ZDHHC14: variants seen among roughly 807,000 people sequenced by gnomAD.
ZDHHC14 encodes the protein zDHHC palmitoyltransferase 14.
A neutral mutation model predicts 47.7 loss-of-function variants in ZDHHC14; 16 were observed. The observed-to-expected ratio is 0.34, with a 90% CI of 0.23 to 0.51. ZDHHC14 has a LOEUF of 0.51. Ranked by LOEUF, ZDHHC14 falls within the 20% of genes least tolerant of loss-of-function variation. The pLI is 0.97. For synonymous variants in ZDHHC14, 293 were observed against 278.9 expected (o/e 1.05, Z -0.50); for missense variants, 515 against 662.5 (o/e 0.78, Z 2.44).
chr6:157,584,893 A>G (rs927703142), intron 2 of ZDHHC14, among the ~76,000 whole-genome samples: 11 of 152,214 alleles, frequency 7.2e-5, no homozygotes, highest in Admixed American at 1.3e-4. Context: ...ATGCTTGTGT[A>G]TAAAAATCTC....
intron 1 of ZDHHC14, among the ~76,000 whole-genome samples, chr6:157,468,810 T>C (rs1436454480): frequency 6.6e-6 from 1 of 152,210 alleles, no homozygotes; most frequent in Admixed American, 6.5e-5. Context: ...TGTTAATTAG[T>C]CCAGCATCCT....
intron 1 of ZDHHC14, among the ~76,000 whole-genome samples, chr6:157,517,991 G>A (rs1780761578): frequency 6.6e-6 from 1 of 152,274 alleles, no homozygotes. Context: ...TAGGATGCAC[G>A]TCCCCAGCCC....
chr6:157,614,176 G>A (rs996616838), intron 3 of ZDHHC14, among the ~76,000 whole-genome samples: 7 of 152,294 alleles, frequency 4.6e-5, no homozygotes, highest in African/African-American at 1.4e-4. Context: ...CAGGACCCAA[G>A]TTCAAGTCCT....
At chr6:157,669,350 G>A (rs1165621843) in intron 8 of ZDHHC14, among the ~76,000 whole-genome samples, 2 of 152,100 alleles carry the variant, frequency 1.3e-5, no homozygotes, top group African/African-American at 2.4e-5. Flanking sequence ...GGAAGACAGA[G>A]AGTGGAGGAG....
chr6:157,475,998 A>G (rs1779472944), intron 1 of ZDHHC14, among the ~76,000 whole-genome samples: 1 of 152,204 alleles, frequency 6.6e-6, no homozygotes, highest in Non-Finnish European at 1.5e-5. Context: ...TTGCATCAAA[A>G]AAGAGGAAAG....
chr6:157,660,347 C>T (rs188377971), intron 8 of ZDHHC14, among the ~76,000 whole-genome samples: 2 of 152,208 alleles, frequency 1.3e-5, no homozygotes, highest in Non-Finnish European at 1.5e-5. Context: ...TGTGCACCAC[C>T]ACGTCAGGCT....
At chr6:157,439,175 T>G (rs764417507) in intron 1 of ZDHHC14, among the ~76,000 whole-genome samples, 1 of 152,246 alleles carries the variant, frequency 6.6e-6, no homozygotes, top group Non-Finnish European at 1.5e-5. Context: ...TTTCCGTTCT[T>G]CATTTTCAAA....
chr6:157,471,396 C>T (rs1164789395), intron 1 of ZDHHC14, among the ~76,000 whole-genome samples: 1 of 152,178 alleles, frequency 6.6e-6, no homozygotes, highest in Admixed American at 6.5e-5. Context: ...GGCTGGACTC[C>T]CCCGCCCGCC....
chr6:157,422,975 G>A (rs1381543307), intron 1 of ZDHHC14, among the ~76,000 whole-genome samples: 2 of 152,178 alleles, frequency 1.3e-5, no homozygotes, highest in Admixed American at 1.3e-4. Flanking sequence ...TTAAAAAGCA[G>A]TTCATTTACT....
At chr6:157,444,108 CA>C (rs1334278337) in intron 1 of ZDHHC14, among the ~76,000 whole-genome samples, 4 of 152,136 alleles carry the variant, frequency 2.6e-5, no homozygotes, top group African/African-American at 9.7e-5. Context: ...TGCCCAAAGT[CA>C]AACAGTAATC....
chr6:157,453,785 GTT>G (rs1554258659), intron 1 of ZDHHC14, among the ~76,000 whole-genome samples: 4 of 83,022 alleles, frequency 4.8e-5, no homozygotes, highest in Admixed American at 2.4e-4. Flanking sequence ...TGTTTTTTGT[GTT>G]TTGTGTGTGT....
chr6:157,470,660 T>C (rs777471368), intron 1 of ZDHHC14, among the ~76,000 whole-genome samples: 1 of 152,234 alleles, frequency 6.6e-6, no homozygotes, highest in Non-Finnish European at 1.5e-5. Flanking sequence ...ACTGTTATTT[T>C]ACAGATAGAA....
At chr6:157,515,477 T>C (rs950907104) in intron 1 of ZDHHC14, among the ~76,000 whole-genome samples, 10 of 149,190 alleles carry the variant, frequency 6.7e-5, no homozygotes, top group Non-Finnish European at 1.2e-4. Flanking sequence ...TTTTTTTTTT[T>C]TGGAGACGGA....
chr6:157,462,123 T>C (rs1383168813), intron 1 of ZDHHC14, among the ~76,000 whole-genome samples: 2 of 152,242 alleles, frequency 1.3e-5, no homozygotes, highest in Admixed American at 6.5e-5. Flanking sequence ...AGCTTATTTA[T>C]AGTTTCAGCC....
At chr6:157,554,763 G>A (rs762215008) in intron 2 of ZDHHC14, among the ~76,000 whole-genome samples, 2 of 152,252 alleles carry the variant, frequency 1.3e-5, no homozygotes, top group East Asian at 1.9e-4. Flanking sequence ...GGATGTGGCT[G>A]TTCCTCTGTG....
At chr6:157,530,621 C>T (rs930649926) in intron 1 of ZDHHC14, among the ~76,000 whole-genome samples, 5 of 152,168 alleles carry the variant, frequency 3.3e-5, no homozygotes, top group African/African-American at 9.7e-5. Context: ...TATTTCTCCC[C>T]TTTTTGGAAA....
intron 1 of ZDHHC14, among the ~76,000 whole-genome samples, chr6:157,465,604 A>T (rs541676642): frequency 7.5e-5 from 10 of 132,490 alleles, no homozygotes; most frequent in Non-Finnish European, 1.6e-4. Context: ...AAGAGATGCT[A>T]AAAAAAAAAA....
At chr6:157,640,120 C>T (rs1056131964) in intron 5 of ZDHHC14, among the ~76,000 whole-genome samples, 7 of 152,226 alleles carry the variant, frequency 4.6e-5, no homozygotes, top group Non-Finnish European at 1.0e-4. Flanking sequence ...CACAGGGGCC[C>T]TGGGCCTCCC....
At chr6:157,539,785 G>T (rs138322700) in intron 1 of ZDHHC14, among the ~76,000 whole-genome samples, 63 of 152,194 alleles carry the variant, frequency 4.1e-4, no homozygotes, top group African/African-American at 1.4e-3. Context: ...AGAAACTGCA[G>T]CTGGCGAGCT....
Sources: gnomAD v4.1 joint callset for allele counts (sites outside exome capture counted in the v4.1 genomes callset) on GRCh38, gnomAD v4.1.1 for gene constraint, MANE v1.5 for transcripts, NCBI Gene and HGNC (gene_info 2026-07-23, HGNC 2026-07-21) for gene names.